ARHGEF28: variants seen among roughly 807,000 people sequenced by gnomAD.
ARHGEF28 encodes the protein 190 kDa guanine nucleotide exchange factor.
Under a neutral mutation model 206.6 loss-of-function variants are expected in ARHGEF28, and 152 were observed. The observed-to-expected ratio is 0.74, with a 90% CI of 0.64 to 0.84. The LOEUF (loss-of-function observed/expected upper bound fraction) is 0.84. Ranked by LOEUF, ARHGEF28 falls within the 40% of genes least tolerant of loss-of-function variation. The pLI, the probability that ARHGEF28 is intolerant of heterozygous loss-of-function variation, is 0.00. For synonymous variants in ARHGEF28, 763 were observed against 776.4 expected (o/e 0.98, Z 0.29); for missense variants, 2,028 against 2,073.2 (o/e 0.98, Z 0.42).
intron 4 of ARHGEF28, among the ~76,000 whole-genome samples, chr5:73,771,035 G>A (rs575769449): frequency 6.6e-6 from 1 of 152,282 alleles, no homozygotes; most frequent in East Asian, 1.9e-4. Flanking sequence ...TACACTCCAG[G>A]TTCAATGGTA....
intron 3 of ARHGEF28, among the ~76,000 whole-genome samples, chr5:73,750,381 C>G (rs1386004785): frequency 1.3e-5 from 2 of 152,074 alleles, no homozygotes; most frequent in Non-Finnish European, 2.9e-5. Flanking sequence ...TGTCTTCTCT[C>G]TTCCTCATTC....
chr5:73,681,432 G>A (rs1747091757), intron 1 of ARHGEF28, among the ~76,000 whole-genome samples: 1 of 152,108 alleles, frequency 6.6e-6, no homozygotes, highest in African/African-American at 2.4e-5. Context: ...ACTCGGAATA[G>A]GAGTCTCAGT....
rs1433609835 is a variant in ARHGEF28, at chr5:73,840,107, A to G, written c.1147-373A>G. Among the ~76,000 whole-genome samples, 3 of 152,286 alleles carry G rather than the reference A, an allele frequency of 2.0e-5. No homozygotes were observed. The East Asian group carries it at 5.8e-4, about 29-fold the overall frequency. ...TAGGATAGCTGCCATGTGAACAAAA[A>G]CATATAAAATAATTCTCTGTTTACA... On this transcript the variant is annotated intron_variant, in intron 10 of 35. Coordinates refer to ENST00000513042, the MANE Select transcript of ARHGEF28 (RefSeq NM_001177693.2).
At chr5:73,843,482 A>G (rs778617489) in intron 11 of ARHGEF28, among the ~76,000 whole-genome samples, 20 of 152,146 alleles carry the variant, frequency 1.3e-4, no homozygotes, top group Non-Finnish European at 2.2e-4. Context: ...AGTGGATGTC[A>G]TGGTAGGAAG....
chr5:73,814,437 A>G (rs1028010183), intron 9 of ARHGEF28, among the ~76,000 whole-genome samples: 7 of 152,054 alleles, frequency 4.6e-5, no homozygotes, highest in Non-Finnish European at 1.0e-4. Flanking sequence ...GTTAGGGTGT[A>G]GAGGAAGTGC....
In ARHGEF28 at chr5:73,773,882, A is replaced by C; in HGVS notation, c.503A>C (p.His168Pro). Residue 168 changes from histidine to proline, a missense_variant, in exon 5 of 36, where the codon CAC (histidine) becomes CCC (proline). Physicochemically the swap from His to Pro is moderately conservative, Grantham distance 77. Transcript: ENST00000513042. ...TCTTCTCACAGAGAATCTCTTCTAC[A>C]CCTGGCTATGAGATGGGGCCTGGCT... ...EVSSHRESLL[H>P]LAMRWGLAKL... The C allele has an allele frequency of 6.2e-7, 1 of 1,607,770 alleles. No individual in the cohort carries two copies.
intron 1 of ARHGEF28, among the ~76,000 whole-genome samples, chr5:73,629,488 A>C (rs1241892945): frequency 2.8e-5 from 4 of 144,870 alleles, no homozygotes; most frequent in Non-Finnish European, 1.5e-5. Flanking sequence ...AGTCTGGGTG[A>C]CAGAAAAAGA....
intron 2 of ARHGEF28, among the ~76,000 whole-genome samples, chr5:73,707,468 T>C (rs1033685755): frequency 1.3e-5 from 2 of 152,158 alleles, no homozygotes; most frequent in African/African-American, 4.8e-5. Context: ...AAAGGCTTGA[T>C]AGAGTGGGCT....
At chr5:73,651,328 GATTGTTGTGCAGA>G (rs1257878418) in intron 1 of ARHGEF28, among the ~76,000 whole-genome samples, 1 of 152,220 alleles carries the variant, frequency 6.6e-6, no homozygotes, top group Non-Finnish European at 1.5e-5. Context: ...ATTATTTATG[GATTGTTGTGCAGA>G]ATACTTACAC....
At chr5:73,697,335 T>A (rs1400730135) in intron 2 of ARHGEF28, among the ~76,000 whole-genome samples, 1 of 152,214 alleles carries the variant, frequency 6.6e-6, no homozygotes, top group African/African-American at 2.4e-5. Flanking sequence ...GTAATTTGCA[T>A]CTTTGAAAAA....
intron 35 of ARHGEF28, among the ~76,000 whole-genome samples, chr5:73,936,382 T>C (rs757095294): frequency 6.6e-6 from 1 of 152,226 alleles, no homozygotes; most frequent in African/African-American, 2.4e-5. Flanking sequence ...AGTGTGGCAA[T>C]TACCTTAAAA....
chr5:73,816,819 G>A (rs1223087346), intron 9 of ARHGEF28, among the ~76,000 whole-genome samples: 3 of 152,180 alleles, frequency 2.0e-5, no homozygotes, highest in South Asian at 4.1e-4. Context: ...CCTAGGGTCT[G>A]CAAAAGTTGG....
intron 4 of ARHGEF28, among the ~76,000 whole-genome samples, chr5:73,763,521 T>C (rs1463051217): frequency 6.6e-6 from 1 of 152,178 alleles, no homozygotes; most frequent in African/African-American, 2.4e-5. Flanking sequence ...CTTTTTCTGC[T>C]TGTCAATAAT....
At chr5:73,847,296 A>G (rs1424873816) in intron 12 of ARHGEF28, among the ~76,000 whole-genome samples, 2 of 152,204 alleles carry the variant, frequency 1.3e-5, no homozygotes, top group African/African-American at 4.8e-5. Flanking sequence ...CAAAATATAT[A>G]ATTGCCTCAT....
chr5:73,749,921 C>A lies in ARHGEF28; in HGVS notation c.118C>A (p.His40Asn). Residue 40 changes from histidine (H) to asparagine (N), a missense_variant, in exon 3 of 36, where the codon CAT (histidine) becomes AAT (asparagine). Physicochemically the swap from His to Asn is moderately conservative, Grantham distance 68. Around this residue, in one of 3 missense-constraint regions of ARHGEF28, gnomAD observed 1,002 missense variants for 1,015.3 expected, o/e 0.99. Coordinates refer to ENST00000513042, the MANE Select transcript of ARHGEF28 (RefSeq NM_001177693.2). Reference protein sequence around the residue: ...AEFYFTYDGSHQRHVMIAERI... With the variant: ...AEFYFTYDGSNQRHVMIAERI... The stretch of plus-strand genomic sequence containing the variant: ...GTTTTACTTTACTTATGACGGATCT[C>A]ATCAGCGACATGTCATGATTGCAGA... 6.2e-7 allele frequency: 1 copy of A among 1,613,990 alleles called. No individual in the cohort carries two copies. Among genetic ancestry groups the A allele is most frequent in the East Asian group, 2.2e-5 (1 of 44,884 alleles).
intron 2 of ARHGEF28, among the ~76,000 whole-genome samples, chr5:73,690,229 G>A (rs1369158182): frequency 6.6e-6 from 1 of 152,010 alleles, no homozygotes; most frequent in African/African-American, 2.4e-5. Context: ...ATTAAACTTT[G>A]AGAGAGGAAG....
chr5:73,909,079 A>C, intron 33 of ARHGEF28: 1 of 201,132 alleles, frequency 5.0e-6, no homozygotes, highest in Non-Finnish European at 1.0e-5. Flanking sequence ...AGCCTTGTGA[A>C]TTTATGTGCC....
chr5:73,874,112 C>T (rs1473720513), intron 22 of ARHGEF28, among the ~76,000 whole-genome samples: 1 of 152,064 alleles, frequency 6.6e-6, no homozygotes, highest in African/African-American at 2.4e-5. Context: ...GTTGCACTTC[C>T]CTCATGGCTA....
chr5:73,630,019 G>T (rs1262753944), intron 1 of ARHGEF28, among the ~76,000 whole-genome samples: 2 of 152,186 alleles, frequency 1.3e-5, no homozygotes, highest in Non-Finnish European at 2.9e-5. Flanking sequence ...TCCAAAGCCA[G>T]CAGGCAAATA....
Sources: gnomAD v4.1 joint callset for allele counts (sites outside exome capture counted in the v4.1 genomes callset) on GRCh38, gnomAD v4.1.1 for gene constraint, gnomAD v4.1.1 regional missense constraint, MANE v1.5 for transcripts, NCBI Gene and HGNC (gene_info 2026-07-23, HGNC 2026-07-21) for gene names.